ADGRL3: variants seen among roughly 807,000 people sequenced by gnomAD.
ADGRL3 encodes the protein adhesion G protein-coupled receptor L3.
In ADGRL3, 62 loss-of-function variants were observed where a neutral mutation model predicts 153.5. The ratio of observed to expected loss-of-function variants is 0.40; its 90% confidence interval spans 0.33 to 0.50. The LOEUF (loss-of-function observed/expected upper bound fraction) is 0.50. Among genes scored for constraint, ADGRL3 ranks in the 20% least tolerant of loss-of-function variants. The pLI, the probability that ADGRL3 is intolerant of heterozygous loss-of-function variation, is 0.47. For synonymous variants in ADGRL3, 710 were observed against 672.5 expected, an observed-to-expected ratio of 1.06 and a Z score of -0.86; for missense variants, 1,641 against 1,859.4, an observed-to-expected ratio of 0.88 and a Z score of 2.16.
chr4:61,748,073 CAG>C (rs577192600), intron 8 of ADGRL3, among the ~76,000 whole-genome samples: 15 of 151,362 alleles, frequency 9.9e-5, no homozygotes, highest in African/African-American at 2.7e-4. Context: ...AACAGACAAA[CAG>C]AGAGCCAAAT....
At chr4:61,816,210 G>T (rs570008203) in intron 9 of ADGRL3, among the ~76,000 whole-genome samples, 1 of 152,292 alleles carries the variant, frequency 6.6e-6, no homozygotes, top group East Asian at 1.9e-4. Context: ...GGATAAGACA[G>T]TATAGTGATC....
chr4:61,655,938 C>G (rs965688520), intron 5 of ADGRL3, among the ~76,000 whole-genome samples: 1 of 152,094 alleles, frequency 6.6e-6, no homozygotes, highest in Admixed American at 6.6e-5. Flanking sequence ...TGTGGTTACT[C>G]ACTGATATTA....
intron 1 of ADGRL3, among the ~76,000 whole-genome samples, chr4:61,306,870 A>T (rs1245426196): frequency 6.6e-6 from 1 of 152,216 alleles, no homozygotes; most frequent in Non-Finnish European, 1.5e-5. Flanking sequence ...ACTTTATATT[A>T]TAGAGCAAAG....
At chr4:61,704,259 A>C (rs953904689) in intron 6 of ADGRL3, among the ~76,000 whole-genome samples, 1 of 152,194 alleles carries the variant, frequency 6.6e-6, no homozygotes, top group Non-Finnish European at 1.5e-5. Context: ...TTCTGTGAGT[A>C]CAGGCATACC....
chr4:61,880,791 A>G (rs184964571), intron 9 of ADGRL3, among the ~76,000 whole-genome samples: 2 of 152,196 alleles, frequency 1.3e-5, no homozygotes, highest in Admixed American at 6.5e-5. Flanking sequence ...TTATATGCCA[A>G]TTATGCAGCT....
intron 8 of ADGRL3, among the ~76,000 whole-genome samples, chr4:61,810,399 A>G (rs7683391): frequency 0.16 from 24,201 of 152,094 alleles, 2,109 homozygotes; most frequent in African/African-American, 0.24. Flanking sequence ...CCTAAAATGT[A>G]GATTCTGGAA....
chr4:61,886,624 ATTTGTTTGTTTG>A (rs34618045), intron 9 of ADGRL3, among the ~76,000 whole-genome samples: 40 of 149,130 alleles, frequency 2.7e-4, no homozygotes, highest in Non-Finnish European at 3.1e-4. Context: ...TTTAGACTAC[ATTTGTTTGTTTG>A]TTTGTTTGTT....
chr4:61,551,928 G>A (rs761933848), intron 4 of ADGRL3, among the ~76,000 whole-genome samples: 4 of 152,068 alleles, frequency 2.6e-5, no homozygotes, highest in Non-Finnish European at 5.9e-5. Context: ...GCTTGTGTGG[G>A]ATGGCCTCAA....
chr4:61,216,485 C>G (rs1742831647), intron 1 of ADGRL3, among the ~76,000 whole-genome samples: 2 of 151,832 alleles, frequency 1.3e-5, no homozygotes, highest in African/African-American at 4.8e-5. Flanking sequence ...AAGTGTATAC[C>G]TTGAGTGTAG....
intron 3 of ADGRL3, among the ~76,000 whole-genome samples, chr4:61,510,863 G>T (rs1488017881): frequency 1.3e-5 from 2 of 152,000 alleles, no homozygotes; most frequent in African/African-American, 4.8e-5. Context: ...GCAGTATGGC[G>T]ATTCTAGCAA....
intron 6 of ADGRL3, among the ~76,000 whole-genome samples, chr4:61,703,642 CA>C (rs1185030052): frequency 6.6e-6 from 1 of 151,746 alleles, no homozygotes; most frequent in Admixed American, 6.6e-5. Flanking sequence ...AAGAGATAGG[CA>C]TAAAGACTGT....
At chr4:61,620,800 C>G (rs963981064) in intron 5 of ADGRL3, among the ~76,000 whole-genome samples, 6 of 151,744 alleles carry the variant, frequency 4.0e-5, no homozygotes, top group Admixed American at 6.6e-5. Context: ...GCCACCATGC[C>G]CAACTAATTT....
intron 5 of ADGRL3, among the ~76,000 whole-genome samples, chr4:61,615,980 A>C (rs1244031341): frequency 6.6e-6 from 1 of 152,124 alleles, no homozygotes; most frequent in African/African-American, 2.4e-5. Context: ...GTCTAAGAAC[A>C]TACATTTCAA....
At chr4:61,495,178 T>C (rs914952903) in intron 2 of ADGRL3, among the ~76,000 whole-genome samples, 4 of 152,118 alleles carry the variant, frequency 2.6e-5, no homozygotes, top group African/African-American at 9.7e-5. Context: ...TGAGATCAGG[T>C]TGTCTGGCTC....
Position 61,876,735 on chromosome 4 carries a change from A to AT in ADGRL3, c.1481-15921_1481-15920insT, listed in dbSNP as rs2098477513. Among the ~76,000 whole-genome samples the AT allele has an allele frequency of 2.6e-5, 4 of 151,716 alleles. No homozygotes were observed. The South Asian group carries it at 8.3e-4, about 32-fold the overall frequency. On this transcript the variant is annotated intron_variant, in intron 9 of 26. Transcript: ENST00000683033. Reference sequence around the variant, plus strand: ...AACCCTAAAACTTAAAGTATAATAAAAAAAATAAAATAAAATAAAATAAAA... The same window carrying AT: ...AACCCTAAAACTTAAAGTATAATAAATAAAAATAAAATAAAATAAAATAAAA...
At chr4:61,614,063 T>C (rs2091712887) in intron 5 of ADGRL3, among the ~76,000 whole-genome samples, 1 of 152,126 alleles carries the variant, frequency 6.6e-6, no homozygotes. Flanking sequence ...ATAGTATTTT[T>C]ACAAAGGAAA....
chr4:61,877,274 G>C (rs1404162483), intron 9 of ADGRL3, among the ~76,000 whole-genome samples: 1 of 152,176 alleles, frequency 6.6e-6, no homozygotes, highest in Non-Finnish European at 1.5e-5. Flanking sequence ...ATTATGCTTA[G>C]TGAAAAAGTC....
At chr4:62,041,572 C>T (rs755387989) in intron 24 of ADGRL3, among the ~76,000 whole-genome samples, 29 of 151,996 alleles carry the variant, frequency 1.9e-4, no homozygotes, top group Non-Finnish European at 4.0e-4. Flanking sequence ...ATTTAACCTC[C>T]GTAACCAATC....
intron 9 of ADGRL3, among the ~76,000 whole-genome samples, chr4:61,834,911 G>C (rs1053431833): frequency 2.6e-5 from 4 of 152,104 alleles, no homozygotes; most frequent in East Asian, 1.9e-4. Context: ...TTCCCCATGG[G>C]AGTGTCACTT....
Sources: allele counts gnomAD v4.1 joint callset (sites outside exome capture counted in the v4.1 genomes callset), GRCh38; gene constraint gnomAD v4.1.1; transcripts MANE v1.5; gene names NCBI Gene and HGNC (gene_info 2026-07-23, HGNC 2026-07-21).